Variants in AKAP13 observed in about 807,000 individuals in gnomAD.
The protein encoded by AKAP13 is A-kinase anchor protein 13.
AKAP13 carries 80 observed loss-of-function variants against 264.5 expected under a neutral mutation model. The ratio of observed to expected loss-of-function variants is 0.30; its 90% confidence interval spans 0.25 to 0.36. The LOEUF (loss-of-function observed/expected upper bound fraction) is 0.36, where lower values mean the gene tolerates loss of function less well. Among genes scored for constraint, AKAP13 ranks in the 10% least tolerant of loss-of-function variants. The probability of loss-of-function intolerance (pLI) is 1.00; values close to 1 mark genes in which losing one functional copy is unlikely to be tolerated. For missense variants in AKAP13, 3,712 were observed against 3,435.2 expected (o/e 1.08, Z -2.01); for synonymous variants, 1,380 against 1,250.2 (o/e 1.10, Z -2.19).
chr15:85,676,943 T>C (rs1398522174), intron 14 of AKAP13: 4 of 985,352 alleles, frequency 4.1e-6, no homozygotes, highest in Non-Finnish European at 4.8e-6. Flanking sequence ...AATCCGAGCA[T>C]GCTCTAATGT....
At chr15:85,716,074 T>C (rs776837028) in intron 20 of AKAP13, 151 bp downstream of exon 20, 12 of 993,636 alleles carry the variant, frequency 1.2e-5, no homozygotes, top group Non-Finnish European at 1.5e-5. Flanking sequence ...GGGATTATGT[T>C]TCTGATGCAT....
chr15:85,490,198 C>G (rs1432323221), intron 2 of AKAP13, among the ~76,000 whole-genome samples: 2 of 152,088 alleles, frequency 1.3e-5, no homozygotes, highest in Non-Finnish European at 2.9e-5. Flanking sequence ...GTGGCAGATG[C>G]AAGAAATATT....
At chr15:85,415,766 T>C (rs933404300) in intron 1 of AKAP13, 21 of 598,542 alleles carry the variant, frequency 3.5e-5, no homozygotes, top group Non-Finnish European at 5.6e-5. Flanking sequence ...CCCAAACATT[T>C]TACATACAGC....
chr15:85,447,904 G>A (rs2073954331), intron 1 of AKAP13, among the ~76,000 whole-genome samples: 1 of 152,180 alleles, frequency 6.6e-6, no homozygotes, highest in African/African-American at 2.4e-5. Flanking sequence ...GGATTGCTGG[G>A]TTGAATGGTA....
At chr15:85,734,915 G>C in intron 30 of AKAP13, 77 bp from the exon 31 acceptor site, 1 of 1,538,992 alleles carries the variant, frequency 6.5e-7, no homozygotes, top group Non-Finnish European at 8.8e-7. Context: ...CTCTTTGTAC[G>C]TATCATATAT....
chr15:85,561,661 C>A (rs918978683), intron 5 of AKAP13, among the ~76,000 whole-genome samples: 1 of 152,134 alleles, frequency 6.6e-6, no homozygotes, highest in African/African-American at 2.4e-5. Context: ...TGCTGAAAAT[C>A]ACTTTTTTCG....
intron 14 of AKAP13, chr15:85,670,609 T>C (rs1392561784): frequency 1.3e-5 from 2 of 151,516 alleles, no homozygotes; most frequent in African/African-American, 4.9e-5. Context: ...TAAGTTGTCA[T>C]ATCTCTTTAG....
At position 85,575,324 on chromosome 15, in the gene AKAP13, C is replaced by T; in HGVS notation, c.856C>T (p.Leu286=). The change falls in exon 6 of 37, where the codon CTA becomes TTA. Residue 286 remains leucine (L), a synonymous_variant. Coordinates refer to ENST00000394518, the MANE Select transcript of AKAP13 (RefSeq NM_007200.5). ...IFKLMNIQQQ[L]MKTNLKQMDS... ...TAAACTTATGAACATCCAACAGCAA[C>T]TAATGGTAAGTCAGAAAGCTTTTAT... The T allele has an allele frequency of 6.2e-7, 1 of 1,613,992 alleles. No individual in the cohort carries two copies. Among genetic ancestry groups the T allele is most frequent in the Non-Finnish European group, 8.5e-7 (1 of 1,179,882 alleles).
At chr15:85,386,462 G>A (rs1403419818) in intron 1 of AKAP13, among the ~76,000 whole-genome samples, 1 of 151,776 alleles carries the variant, frequency 6.6e-6, no homozygotes, top group African/African-American at 2.4e-5. Flanking sequence ...CCTAATTTTT[G>A]TATTTTTACT....
In AKAP13 at chr15:85,741,118, A is replaced by G. The variant is rs1424131665; in HGVS notation, c.7681A>G (p.Ser2561Gly). Residue 2561 changes from serine to glycine, a missense_variant, in exon 35 of 37, where the codon AGC (serine) becomes GGC (glycine). Physicochemically the swap from Ser to Gly is moderately conservative, Grantham distance 56 (BLOSUM62 0). This residue lies in a region of AKAP13 where 611 missense variants were observed against 539.3 expected (regional missense o/e 1.13). Transcript: ENST00000394518. ...LVLSERALTR[S>G]LSRPSSLIEQ... ...GCTGAGCGAGAGGGCGCTCACTCGC[A>G]GCTTGTCCCGCCCGAGCTCCCTCAT... 11 of 1,613,582 alleles carry G rather than the reference A, an allele frequency of 6.8e-6. No individual in the cohort carries two copies. The Admixed American group carries it at 1.8e-4, about 27-fold the overall frequency.
At chr15:85,477,423 A>G (rs1344173895) in intron 1 of AKAP13, among the ~76,000 whole-genome samples, 1 of 151,862 alleles carries the variant, frequency 6.6e-6, no homozygotes, top group Admixed American at 6.6e-5. Flanking sequence ...GCTGGTGTAA[A>G]TTGATGGGGC....
chr15:85,533,843 G>A lies in AKAP13; in HGVS notation c.441G>A (p.Thr147=), dbSNP rs1470213443. ...VLAFRHLKLP[T]EWNVLGTDQS... is the part of the protein sequence containing the mutation. ...CATTCAGGCACCTGAAGCTGCCCAC[G>A]GAGTGGAATGTATTGGGGACAGATC... The change falls in exon 4 of 37, where the codon ACG becomes ACA. Residue 147 remains threonine, a synonymous_variant. Transcript: ENST00000394518. 5.0e-6 allele frequency: 8 copies of A among 1,612,614 alleles called. 1 individual carries two copies. In the East Asian group the frequency reaches 6.7e-5, roughly 13 times the overall value.
In AKAP13 at chr15:85,393,731, AAGTCAATGAACTAC is replaced by A. The variant is rs1433713580; in HGVS notation, c.-12+12935_-12+12948del. On this transcript the variant is annotated intron_variant, in intron 1 of 36. Transcript: ENST00000394518. ...TTAGAGATTTAAGTTTGCTTCTCTC[AAGTCAATGAACTAC>A]AATTTTGATCTGGGACATTGTGACT... Among the ~76,000 whole-genome samples, 87 of 152,346 alleles carry A rather than the reference AAGTCAATGAACTAC, an allele frequency of 5.7e-4. No individual in the cohort carries two copies. In the Middle Eastern group the frequency reaches 0.017, roughly 30 times the overall value.
intron 5 of AKAP13, among the ~76,000 whole-genome samples, chr15:85,545,279 C>G (rs2077698461): frequency 6.6e-6 from 1 of 152,182 alleles, no homozygotes; most frequent in African/African-American, 2.4e-5. Context: ...GTTAACTCTG[C>G]ATAACTATTG....
At chr15:85,516,766 A>G (rs1333090988) in intron 2 of AKAP13, among the ~76,000 whole-genome samples, 2 of 152,150 alleles carry the variant, frequency 1.3e-5, no homozygotes, top group Admixed American at 6.5e-5. Context: ...AAATACTCCC[A>G]TAATGGTTGA....
intron 35 of AKAP13, 39 bp from the exon 36 acceptor site, chr15:85,743,453 C>T (rs774847085): frequency 1.3e-6 from 2 of 1,587,748 alleles, no homozygotes; most frequent in Admixed American, 1.7e-5. Flanking sequence ...CGGACGCTGA[C>T]AGCCTCCAAG....
At chr15:85,393,801 C>T (rs1049670270) in intron 1 of AKAP13, among the ~76,000 whole-genome samples, 3 of 152,018 alleles carry the variant, frequency 2.0e-5, no homozygotes, top group African/African-American at 4.8e-5. Flanking sequence ...ATTATATATG[C>T]CATAAGTCAC....
At chr15:85,659,458 C>T (rs906269885) in intron 12 of AKAP13, among the ~76,000 whole-genome samples, 43 of 152,038 alleles carry the variant, frequency 2.8e-4, no homozygotes, top group Non-Finnish European at 2.1e-4. Flanking sequence ...TCTTTAATTC[C>T]AGATTTTAGG....
At chr15:85,415,291 A>T (rs1193038687) in intron 1 of AKAP13, 1 of 1,581,426 alleles carries the variant, frequency 6.3e-7, no homozygotes, top group Non-Finnish European at 8.7e-7. Flanking sequence ...TTTGATGAAT[A>T]TGTGAAGGAG....
Sources: allele counts gnomAD v4.1 joint callset (sites outside exome capture counted in the v4.1 genomes callset), GRCh38; gene constraint gnomAD v4.1.1; regional missense constraint gnomAD v4.1.1; transcripts MANE v1.5; gene names NCBI Gene and HGNC (gene_info 2026-07-23, HGNC 2026-07-21).